ATP8A2: variants seen among roughly 807,000 people sequenced by gnomAD.
ATP8A2 encodes the protein ATPase phospholipid transporting 8A2.
ATP8A2 carries 100 observed loss-of-function variants against 165.6 expected under a neutral mutation model. The observed-to-expected ratio is 0.60, with a 90% CI of 0.51 to 0.71. The LOEUF is 0.71. Among genes scored for constraint, ATP8A2 ranks in the 30% least tolerant of loss-of-function variants. The probability of loss-of-function intolerance (pLI) is 0.00; values close to 1 mark genes in which losing one functional copy is unlikely to be tolerated. For missense variants in ATP8A2, 1,227 were observed against 1,479.5 expected (o/e 0.83, Z 2.80); for synonymous variants, 543 against 548.8 (o/e 0.99, Z 0.15).
chr13:25,872,452 T>G (rs1214022196), intron 33 of ATP8A2, among the ~76,000 whole-genome samples: 1 of 152,174 alleles, frequency 6.6e-6, no homozygotes, highest in Non-Finnish European at 1.5e-5. Context: ...CTGTTAGATA[T>G]TGTCGTTCTA....
At chr13:25,398,998 C>T (rs2033528491) in intron 1 of ATP8A2, among the ~76,000 whole-genome samples, 1 of 152,126 alleles carries the variant, frequency 6.6e-6, no homozygotes, top group Admixed American at 6.6e-5. Flanking sequence ...TTACCCTTTT[C>T]CTCTACTTGA....
chr13:25,870,296 A>G (rs903819130), intron 33 of ATP8A2, among the ~76,000 whole-genome samples: 1 of 152,046 alleles, frequency 6.6e-6, no homozygotes, highest in South Asian at 2.1e-4. Flanking sequence ...GTATAGGCAC[A>G]GGATAGGGGC....
At chr13:25,731,232 AAGAG>A (rs767105493) in intron 25 of ATP8A2, among the ~76,000 whole-genome samples, 2 of 147,586 alleles carry the variant, frequency 1.4e-5, no homozygotes, top group African/African-American at 5.1e-5. Context: ...GAAAGAAGGA[AAGAG>A]AGAGAGAGGA....
intron 35 of ATP8A2, among the ~76,000 whole-genome samples, chr13:25,997,885 G>A (rs1049711414): frequency 2.0e-5 from 3 of 151,532 alleles, no homozygotes; most frequent in Non-Finnish European, 4.4e-5. Context: ...TAAAATCTTT[G>A]TCAGACAATT....
rs939816768 is a variant in ATP8A2, at chr13:25,432,799, G to T, written c.77-36178G>T. ...CTGGATGTTTACATGTTCTCAAGTG[G>T]TAGATGTTCTTTCATGGAGCCTGGC... On this transcript the variant is annotated intron_variant, in intron 1 of 36. Coordinates refer to ENST00000381655, the MANE Select transcript of ATP8A2 (RefSeq NM_016529.6). 2.0e-5 allele frequency among the ~76,000 whole-genome samples: 3 copies of T among 152,158 alleles called. 1 individual carries two copies. In the South Asian group the frequency reaches 6.2e-4, roughly 31 times the overall value.
At chr13:25,394,580 G>A (rs1325364512) in intron 1 of ATP8A2, among the ~76,000 whole-genome samples, 1 of 152,194 alleles carries the variant, frequency 6.6e-6, no homozygotes, top group East Asian at 1.9e-4. Flanking sequence ...TGGCCGGATT[G>A]ATGACATAGG....
chr13:26,014,938 AG>A (rs1311841403), intron 36 of ATP8A2, among the ~76,000 whole-genome samples: 3 of 152,214 alleles, frequency 2.0e-5, no homozygotes, highest in African/African-American at 7.2e-5. Context: ...AAACACATAC[AG>A]GTTCCCAGAA....
chr13:25,873,764 G>A (rs55634911), intron 33 of ATP8A2: 8,059 of 152,754 alleles, frequency 0.053, 538 homozygotes, highest in African/African-American at 0.14. Flanking sequence ...TCAGCCTCCC[G>A]AGTAGCTGGG....
intron 2 of ATP8A2, among the ~76,000 whole-genome samples, chr13:25,520,839 T>C (rs1433495377): frequency 6.6e-6 from 1 of 152,036 alleles, no homozygotes; most frequent in African/African-American, 2.4e-5. Context: ...TGGTCTCGAT[T>C]TCCTGACCTC....
chr13:25,942,183 ATT>A (rs1479984168), intron 33 of ATP8A2, among the ~76,000 whole-genome samples: 1 of 151,966 alleles, frequency 6.6e-6, no homozygotes, highest in Admixed American at 6.6e-5. Flanking sequence ...AATTTGCCAA[ATT>A]TTTTTTATTC....
At chr13:25,828,030 G>C (rs1302856458) in intron 27 of ATP8A2, 88 bp from the exon 28 acceptor site, 1 of 990,074 alleles carries the variant, frequency 1.0e-6, no homozygotes, top group East Asian at 2.4e-5. Context: ...TGTCCAGCTG[G>C]TGGTCCACAT....
chr13:25,811,185 C>G (rs1009545713), intron 27 of ATP8A2, among the ~76,000 whole-genome samples: 1 of 152,012 alleles, frequency 6.6e-6, no homozygotes, highest in African/African-American at 2.4e-5. Flanking sequence ...GGGATGTAAT[C>G]ACATGATTTA....
rs191819372 is a variant in ATP8A2 at position 25,692,423 on chromosome 13, G to A, written c.2212-6750G>A. Among the ~76,000 whole-genome samples the A allele has an allele frequency of 3.9e-5, 6 of 152,306 alleles. No homozygotes were observed. In the East Asian group the frequency reaches 1.2e-3, roughly 29 times the overall value. On this transcript the variant is annotated intron_variant, in intron 24 of 36. Transcript: ENST00000381655. ...TCCCTCGTGGCCCTGCCGAGCTGAC[G>A]GAGGAAGAGGGCTCCTACCCGTGCA...
intron 25 of ATP8A2, among the ~76,000 whole-genome samples, chr13:25,699,708 T>C (rs2042911440): frequency 6.6e-6 from 1 of 152,198 alleles, no homozygotes; most frequent in Admixed American, 6.5e-5. Context: ...TGTGGGGCTT[T>C]GATGCTTCTT....
At chr13:25,624,534 G>T (rs887738578) in intron 24 of ATP8A2, among the ~76,000 whole-genome samples, 1 of 152,106 alleles carries the variant, frequency 6.6e-6, no homozygotes, top group African/African-American at 2.4e-5. Context: ...CTAGTTTTCT[G>T]AATATTTTCA....
Position 25,543,416 on chromosome 13 carries a change from A to T in ATP8A2, c.891+14A>T. ...AAACTCATGCAGGTAAAACATTTCT[A>T]TGCTGATTTCAGTCTTTTTTTTCTT... On this transcript the variant is annotated intron_variant, in intron 10 of 36. Coordinates refer to ENST00000381655, the MANE Select transcript of ATP8A2 (RefSeq NM_016529.6). 1 of 1,505,154 alleles carries T rather than the reference A, an allele frequency of 6.6e-7. No individual in the cohort carries two copies. Among genetic ancestry groups the T allele is most frequent in the Non-Finnish European group, 9.2e-7 (1 of 1,086,040 alleles). The allele number at this position is 1,505,154 out of a possible 1,614,324, so 93.2% of individuals were successfully genotyped here.
At chr13:25,730,764 A>G (rs1593260754) in intron 25 of ATP8A2, among the ~76,000 whole-genome samples, 1 of 152,168 alleles carries the variant, frequency 6.6e-6, no homozygotes, top group Middle Eastern at 3.4e-3. Flanking sequence ...GATTTTTATT[A>G]TTGTTTGATT....
intron 33 of ATP8A2, among the ~76,000 whole-genome samples, chr13:25,875,085 C>T (rs1593486947): frequency 6.6e-6 from 1 of 151,702 alleles, no homozygotes; most frequent in East Asian, 2.0e-4. Flanking sequence ...ATGGCAGTTG[C>T]CGGGGCTGGG....
chr13:25,966,029 GAAAA>G (rs61635155), intron 34 of ATP8A2, among the ~76,000 whole-genome samples: 2 of 133,556 alleles, frequency 1.5e-5, no homozygotes, highest in Non-Finnish European at 3.1e-5. Context: ...AAGAGTTTCA[GAAAA>G]AAAAAAAAAA....
Sources: allele counts gnomAD v4.1 joint callset (sites outside exome capture counted in the v4.1 genomes callset), GRCh38; gene constraint gnomAD v4.1.1; transcripts MANE v1.5; gene names NCBI Gene and HGNC (gene_info 2026-07-23, HGNC 2026-07-21).